The following UTP6 variants were observed in gnomAD, a reference collection of about 807,000 sequenced individuals.
UTP6 encodes the protein U3 small nucleolar RNA-associated protein 6 homolog.
UTP6 carries 60 observed loss-of-function variants against 96.5 expected under a neutral mutation model. That is an observed-to-expected ratio of 0.62 (90% CI 0.51 to 0.77). The LOEUF (loss-of-function observed/expected upper bound fraction) is 0.77, where lower values mean the gene tolerates loss of function less well. Ranked by LOEUF, UTP6 falls within the 30% of genes least tolerant of loss-of-function variation. UTP6 has a pLI of 0.00. For missense variants in UTP6, 637 were observed against 706.5 expected (o/e 0.90, Z 1.12); for synonymous variants, 215 against 240.1 (o/e 0.90, Z 0.96).
chr17:31,891,228 T>G (rs1315640024), intron 6 of UTP6, among the ~76,000 whole-genome samples: 1 of 152,112 alleles, frequency 6.6e-6, no homozygotes, highest in African/African-American at 2.4e-5. Context: ...AACATGTGAC[T>G]CCTAAAATTG....
chr17:31,900,651 C>A (rs1451453705), intron 1 of UTP6, among the ~76,000 whole-genome samples: 2 of 152,172 alleles, frequency 1.3e-5, no homozygotes, highest in African/African-American at 4.8e-5. Flanking sequence ...TAATAAATTT[C>A]TTTCCGAAAT....
At chr17:31,878,843 GT>G in intron 11 of UTP6, 62 bp from the exon 12 acceptor site, 1 of 1,475,046 alleles carries the variant, frequency 6.8e-7, no homozygotes, top group Non-Finnish European at 9.4e-7. Context: ...TCACATCAAA[GT>G]TATTAAAAGA....
At chr17:31,879,022 A>C (rs913642839) in intron 11 of UTP6, among the ~76,000 whole-genome samples, 1 of 152,188 alleles carries the variant, frequency 6.6e-6, no homozygotes, top group African/African-American at 2.4e-5. Context: ...ATAAAAATTG[A>C]AAGCCTTATC....
At chr17:31,881,703 CTTT>C (rs570826347) in intron 10 of UTP6, among the ~76,000 whole-genome samples, 1 of 151,658 alleles carries the variant, frequency 6.6e-6, no homozygotes, top group Non-Finnish European at 1.5e-5. Flanking sequence ...ACCTGAAGAA[CTTT>C]TTTTTGTTTT....
At chr17:31,869,093 AGAGT>A (rs1910011349) in intron 16 of UTP6, among the ~76,000 whole-genome samples, 1 of 152,216 alleles carries the variant, frequency 6.6e-6, no homozygotes, top group South Asian at 2.1e-4. Context: ...CCTGGGTGAC[AGAGT>A]GAGACTCCAT....
At chr17:31,863,613 C>T (rs1426447623) in intron 18 of UTP6, 97 bp from the exon 19 acceptor site, 8 of 1,067,022 alleles carry the variant, frequency 7.5e-6, no homozygotes, top group East Asian at 5.1e-5. Context: ...AGAAACTTAA[C>T]TTCTCATTGT....
At chr17:31,867,793 T>C (rs972302013) in intron 17 of UTP6, among the ~76,000 whole-genome samples, 1 of 151,842 alleles carries the variant, frequency 6.6e-6, no homozygotes, top group African/African-American at 2.4e-5. Flanking sequence ...CCATCTCTAC[T>C]AAAAATACAA....
chr17:31,883,487 GTA>G (rs987953084), intron 10 of UTP6, among the ~76,000 whole-genome samples: 1 of 151,672 alleles, frequency 6.6e-6, no homozygotes, highest in African/African-American at 2.4e-5. Flanking sequence ...GACTAATTTT[GTA>G]TTTTTAGTAG....
intron 16 of UTP6, 93 bp from the exon 17 acceptor site, chr17:31,868,205 A>G: frequency 8.9e-7 from 1 of 1,120,732 alleles, no homozygotes; most frequent in South Asian, 1.5e-5. Context: ...CCTCCACAAC[A>G]CATGGTTTAA....
At chr17:31,879,961 C>G (rs1910725677) in intron 11 of UTP6, among the ~76,000 whole-genome samples, 1 of 152,046 alleles carries the variant, frequency 6.6e-6, no homozygotes, top group Non-Finnish European at 1.5e-5. Context: ...CAAAAATTAG[C>G]CAGGCATCGT....
chr17:31,884,120 T>C (rs1259816340), intron 10 of UTP6, among the ~76,000 whole-genome samples: 1 of 151,372 alleles, frequency 6.6e-6, no homozygotes, highest in African/African-American at 2.4e-5. Flanking sequence ...TGGCTCAGCC[T>C]CCCAAGTAGC....
rs185616549 is a variant in UTP6, at chr17:31,862,042, T to A, written c.*1317A>T. ...CAGGCTTAGTGGTTCACGCCTGTAA[T>A]CCCAACACTTTGGGAGGCCAAGGCG... On this transcript the variant is annotated 3_prime_UTR_variant, in exon 19 of 19. Coordinates refer to ENST00000261708, the MANE Select transcript of UTP6 (RefSeq NM_018428.3). 2.0e-5 allele frequency: 3 copies of A among 152,256 alleles called. No individual in the cohort carries two copies. Among genetic ancestry groups the A allele is most frequent in the Non-Finnish European group, 4.4e-5 (3 of 68,070 alleles). The allele number at this position is 152,256 out of a possible 1,614,324, so 9.4% of individuals were successfully genotyped here. A position where few individuals can be genotyped will look rare whatever the true frequency, so the allele number is the denominator to read the frequency against.
In UTP6 at chr17:31,862,076, A is replaced by C. The variant is rs929752374; in HGVS notation, c.*1283T>G. On this transcript the variant is annotated 3_prime_UTR_variant, in exon 19 of 19. Transcript: ENST00000261708. ...TTTGGGAGGCCAAGGCGGGTGGATC[A>C]TGAGGTCAGGAGTTCGCAACCAGCC... is the stretch of plus-strand genomic sequence containing the variant. The C allele has an allele frequency of 2.6e-5, 4 of 152,242 alleles. No individual in the cohort carries two copies. The highest frequency in any genetic ancestry group is 9.6e-5 in the African/African-American group (4 of 41,462). 9.4% of individuals were successfully genotyped at this position (152,242 alleles called of 1,614,324 possible). A position where few individuals can be genotyped will look rare whatever the true frequency, so the allele number is the denominator to read the frequency against.
chr17:31,863,266 A>T lies in UTP6; in HGVS notation c.*93T>A, dbSNP rs1909627639. Reference sequence around the variant, plus strand: ...AAACCAGACAGCCATCTTGTCTGCCATCACTGAGCAAATTACAGATGGACT... The same window carrying T: ...AAACCAGACAGCCATCTTGTCTGCCTTCACTGAGCAAATTACAGATGGACT... On this transcript the variant is annotated 3_prime_UTR_variant, in exon 19 of 19. Coordinates refer to ENST00000261708, the MANE Select transcript of UTP6 (RefSeq NM_018428.3). 9 of 1,327,942 alleles carry T rather than the reference A, an allele frequency of 6.8e-6. No individual in the cohort carries two copies. The highest frequency in any genetic ancestry group is 9.5e-6 in the Non-Finnish European group (9 of 952,034). 82.3% of individuals were successfully genotyped at this position (1,327,942 alleles called of 1,614,324 possible).
chr17:31,894,544 T>C, intron 4 of UTP6, 101 bp downstream of exon 4: 1 of 807,358 alleles, frequency 1.2e-6, no homozygotes, highest in Non-Finnish European at 2.0e-6. Context: ...AGTATAAAGA[T>C]ACCCAAGATA....
At chr17:31,880,489 T>C (rs1910760964) in intron 11 of UTP6, 84 bp downstream of exon 11, 3 of 1,556,996 alleles carry the variant, frequency 1.9e-6, no homozygotes, top group Non-Finnish European at 2.7e-6. Flanking sequence ...CCAATATTGA[T>C]TTTGGCAATG....
At chr17:31,868,564 C>T (rs1909975915) in intron 16 of UTP6, among the ~76,000 whole-genome samples, 1 of 152,004 alleles carries the variant, frequency 6.6e-6, no homozygotes, top group African/African-American at 2.4e-5. Flanking sequence ...CTCCCGGGCT[C>T]AAGCAATCCT....
intron 13 of UTP6, among the ~76,000 whole-genome samples, chr17:31,875,926 T>C (rs554524553): frequency 1.3e-5 from 2 of 152,108 alleles, no homozygotes; most frequent in South Asian, 4.1e-4. Context: ...CAATTTAGAA[T>C]TTCTCCTATT....
intron 11 of UTP6, 91 bp downstream of exon 11, chr17:31,880,482 A>G (rs1349999015): frequency 6.6e-7 from 1 of 1,508,180 alleles, no homozygotes; most frequent in Non-Finnish European, 9.2e-7. Flanking sequence ...GACATCCCCA[A>G]TATTGATTTT....
Sources: allele counts gnomAD v4.1 joint callset (sites outside exome capture counted in the v4.1 genomes callset), GRCh38; gene constraint gnomAD v4.1.1; transcripts MANE v1.5; gene names NCBI Gene and HGNC (gene_info 2026-07-23, HGNC 2026-07-21).